KIF16B: variants seen among roughly 807,000 people sequenced by gnomAD.
KIF16B encodes the protein kinesin family member 16B, also known as kinesin-like protein KIF16B.
A neutral mutation model predicts 156.3 loss-of-function variants in KIF16B; 98 were observed. The observed-to-expected ratio is 0.63, with a 90% CI of 0.53 to 0.74. The LOEUF (loss-of-function observed/expected upper bound fraction) is 0.74. Ranked by LOEUF, KIF16B falls within the 30% of genes least tolerant of loss-of-function variation. KIF16B has a pLI of 0.00. For synonymous variants in KIF16B, 564 were observed against 583.7 expected (o/e 0.97, Z 0.49); for missense variants, 1,421 against 1,606.5 (o/e 0.88, Z 1.97).
At chr20:16,336,551 A>C (rs2064040855) in intron 23 of KIF16B, among the ~76,000 whole-genome samples, 1 of 152,094 alleles carries the variant, frequency 6.6e-6, no homozygotes, top group African/African-American at 2.4e-5. Flanking sequence ...AGGCCAATGA[A>C]TCTCCAATTC....
At chr20:16,276,810 C>T (rs2063068472) in intron 25 of KIF16B, among the ~76,000 whole-genome samples, 1 of 152,256 alleles carries the variant, frequency 6.6e-6, no homozygotes, top group Non-Finnish European at 1.5e-5. Flanking sequence ...ATCCCTGGAA[C>T]ACTGCCAAGC....
In KIF16B at chr20:16,373,746, G is replaced by A. The variant is rs148834490; in HGVS notation, c.3350+511C>T. 6.0e-3 allele frequency among the ~76,000 whole-genome samples: 914 copies of A among 152,162 alleles called. 26 individuals are homozygous for A. The highest frequency in any genetic ancestry group is 0.051 in the Admixed American group (783 of 15,272). On this transcript the variant is annotated intron_variant, in intron 20 of 25. Coordinates refer to ENST00000354981, the MANE Select transcript of KIF16B (RefSeq NM_024704.5). ...TGCTTTCCCTGCAACTTTTCATTCCGCCCTCTCACTCAAACCACACTTGAC... is the reference window on the plus strand; with the variant it reads ...TGCTTTCCCTGCAACTTTTCATTCCACCCTCTCACTCAAACCACACTTGAC...
At chr20:16,565,819 C>T (rs946645073) in intron 1 of KIF16B, among the ~76,000 whole-genome samples, 4 of 152,210 alleles carry the variant, frequency 2.6e-5, no homozygotes, top group African/African-American at 9.6e-5. Context: ...GCATCACTGC[C>T]TTTGGGAAAG....
chr20:16,342,481 A>G (rs2064156530), intron 23 of KIF16B, among the ~76,000 whole-genome samples: 1 of 152,204 alleles, frequency 6.6e-6, no homozygotes, highest in South Asian at 2.1e-4. Flanking sequence ...TAAAACAGAA[A>G]GCATGGCCTA....
At chr20:16,550,792 A>C (rs1364498246) in intron 1 of KIF16B, among the ~76,000 whole-genome samples, 2 of 152,022 alleles carry the variant, frequency 1.3e-5, no homozygotes, top group Non-Finnish European at 2.9e-5. Context: ...TGACCTCCCA[A>C]AGTCCTGGGA....
At chr20:16,521,039 G>A (rs553574516) in intron 3 of KIF16B, among the ~76,000 whole-genome samples, 1 of 151,304 alleles carries the variant, frequency 6.6e-6, no homozygotes, top group Non-Finnish European at 1.5e-5. Context: ...ACCAAAGATA[G>A]ATAAATCCAC....
At chr20:16,320,772 A>T (rs540045532) in intron 24 of KIF16B, among the ~76,000 whole-genome samples, 1 of 152,340 alleles carries the variant, frequency 6.6e-6, no homozygotes, top group Non-Finnish European at 1.5e-5. Flanking sequence ...TAACTTAAAA[A>T]ATTTGGGAGG....
At chr20:16,440,533 GCACACACACACACA>G (rs71192333) in intron 12 of KIF16B, among the ~76,000 whole-genome samples, 3,122 of 138,310 alleles carry the variant, frequency 0.023, 49 homozygotes, top group Non-Finnish European at 0.024. Context: ...ACAAGCGCGC[GCACACACACACACA>G]CACACACACA....
intron 21 of KIF16B, among the ~76,000 whole-genome samples, chr20:16,371,181 T>G (rs954939858): frequency 1.3e-5 from 2 of 152,230 alleles, no homozygotes; most frequent in African/African-American, 4.8e-5. Flanking sequence ...TGTTACACTC[T>G]GCCCAAGCAA....
At position 16,536,259 on chromosome 20, in the gene KIF16B, C is replaced by T. The variant is rs1428253241; in HGVS notation, c.48-7819G>A. Among the ~76,000 whole-genome samples, 7 of 151,958 alleles carry T rather than the reference C, an allele frequency of 4.6e-5. 1 individual carries two copies. In the South Asian group the frequency reaches 1.2e-3, roughly 27 times the overall value. ...GGCACAGAAAGGTAAGTATCACAAG[C>T]TCTCACTCATATGTGGGAGATTAAA... On this transcript the variant is annotated intron_variant, in intron 1 of 25. Coordinates refer to ENST00000354981, the MANE Select transcript of KIF16B (RefSeq NM_024704.5).
At chr20:16,365,990 G>A (rs2064656019) in intron 22 of KIF16B, among the ~76,000 whole-genome samples, 1 of 152,132 alleles carries the variant, frequency 6.6e-6, no homozygotes, top group African/African-American at 2.4e-5. Flanking sequence ...ACACCTGAGA[G>A]GGGAGAACAG....
chr20:16,530,982 C>T (rs537224635), intron 1 of KIF16B, among the ~76,000 whole-genome samples: 1 of 152,038 alleles, frequency 6.6e-6, no homozygotes, highest in African/African-American at 2.4e-5. Context: ...ATTACACACA[C>T]GAGCCACCAT....
chr20:16,454,935 A>G (rs980941956), intron 12 of KIF16B, among the ~76,000 whole-genome samples: 3 of 152,210 alleles, frequency 2.0e-5, no homozygotes, highest in Non-Finnish European at 2.9e-5. Flanking sequence ...AAAAGACTCA[A>G]TATGTGCATG....
chr20:16,376,319 GA>G (rs1380141350), intron 19 of KIF16B, among the ~76,000 whole-genome samples: 10 of 152,064 alleles, frequency 6.6e-5, no homozygotes, highest in Non-Finnish European at 1.0e-4. Context: ...CAGGTGGTAG[GA>G]AAAAAGGCAG....
rs1423015622 is a variant in KIF16B, at chr20:16,312,429, C to T, written c.3712-11G>A. 1.9e-6 allele frequency: 3 copies of T among 1,594,738 alleles called. No homozygotes were observed. Among genetic ancestry groups the T allele is most frequent in the Non-Finnish European group, 2.6e-6 (3 of 1,163,234 alleles). ...TTCAAGGGCAGCAAGCTGAAATAGA[C>T]ATTTTAAAAGACATGCATTAATAGC... On this transcript the variant is annotated splice_polypyrimidine_tract_variant and intron_variant, in intron 24 of 25. Coordinates refer to ENST00000354981, the MANE Select transcript of KIF16B (RefSeq NM_024704.5).
At chr20:16,484,103 T>C (rs1393654258) in intron 12 of KIF16B, among the ~76,000 whole-genome samples, 1 of 152,018 alleles carries the variant, frequency 6.6e-6, no homozygotes, top group Non-Finnish European at 1.5e-5. Context: ...AGAAGGAAAA[T>C]CCCTTATGCA....
intron 5 of KIF16B, among the ~76,000 whole-genome samples, chr20:16,512,428 C>T (rs976119345): frequency 1.3e-5 from 2 of 152,110 alleles, no homozygotes; most frequent in Non-Finnish European, 2.9e-5. Flanking sequence ...GAAAAAGCAC[C>T]TCAACCACTC....
chr20:16,294,631 T>C (rs1404408786), intron 25 of KIF16B, among the ~76,000 whole-genome samples: 1 of 152,114 alleles, frequency 6.6e-6, no homozygotes, highest in African/African-American at 2.4e-5. Flanking sequence ...TCAGGGTCCA[T>C]GGGGGCTGCC....
intron 16 of KIF16B, 35 bp downstream of exon 16, chr20:16,406,339 C>T (rs1282283449): frequency 1.3e-6 from 2 of 1,566,940 alleles, no homozygotes; most frequent in Non-Finnish European, 1.8e-6. Context: ...CACATACGAT[C>T]AGTGGTTCCC....
Sources: gnomAD v4.1 joint callset for allele counts (sites outside exome capture counted in the v4.1 genomes callset) on GRCh38, gnomAD v4.1.1 for gene constraint, MANE v1.5 for transcripts, NCBI Gene and HGNC (gene_info 2026-07-23, HGNC 2026-07-21) for gene names.